RELL1: variants seen among roughly 807,000 people sequenced by gnomAD.
The protein encoded by RELL1 is RELT like 1.
In RELL1, 10 loss-of-function variants were observed where a neutral mutation model predicts 23.0. The observed-to-expected ratio is 0.43, with a 90% CI of 0.27 to 0.74. The LOEUF (loss-of-function observed/expected upper bound fraction) is 0.74. Ranked by LOEUF, RELL1 falls within the 30% of genes least tolerant of loss-of-function variation. The probability of loss-of-function intolerance (pLI) is 0.19; values close to 1 mark genes in which losing one functional copy is unlikely to be tolerated. For synonymous variants in RELL1, 146 were observed against 146.8 expected, an observed-to-expected ratio of 0.99 and a Z score of 0.04; for missense variants, 315 against 364.4, an observed-to-expected ratio of 0.86 and a Z score of 1.10.
At chr4:37,609,940 T>G (rs1019243275), downstream of RELL1, among the ~76,000 whole-genome samples, 1 of 152,216 alleles carries the variant, frequency 6.6e-6, no homozygotes, top group Non-Finnish European at 1.5e-5. Flanking sequence ...TAGAATATAA[T>G]AATACATAAA....
At chr4:37,681,246 T>A (rs1163700672) in intron 1 of RELL1, among the ~76,000 whole-genome samples, 1 of 152,224 alleles carries the variant, frequency 6.6e-6, no homozygotes, top group South Asian at 2.1e-4. Context: ...CTGTTTAATA[T>A]ATGTGGTCCA....
chr4:37,686,149 TC>T, intron 1 of RELL1, 50 bp downstream of exon 1: 1 of 1,481,614 alleles, frequency 6.7e-7, no homozygotes, highest in Non-Finnish European at 9.1e-7. Flanking sequence ...CCTTCCGCGC[TC>T]CCGGGACCGG....
chr4:37,659,513 A>G (rs995582872), intron 1 of RELL1, among the ~76,000 whole-genome samples: 2 of 152,122 alleles, frequency 1.3e-5, no homozygotes, highest in Non-Finnish European at 2.9e-5. Flanking sequence ...GAGGGTTGCT[A>G]ACATTTTTTG....
intron 1 of RELL1, among the ~76,000 whole-genome samples, chr4:37,671,323 G>A (rs560345732): frequency 6.6e-6 from 1 of 152,316 alleles, no homozygotes; most frequent in South Asian, 2.1e-4. Flanking sequence ...GACCTACTGA[G>A]TTGCATTCCA....
chr4:37,682,806 G>A (rs1722266625), intron 1 of RELL1, among the ~76,000 whole-genome samples: 1 of 152,222 alleles, frequency 6.6e-6, no homozygotes. Flanking sequence ...TCAGAATGCT[G>A]GAGGGAAGCC....
At chr4:37,643,372 A>G (rs990774150) in intron 3 of RELL1, among the ~76,000 whole-genome samples, 8 of 152,244 alleles carry the variant, frequency 5.3e-5, no homozygotes, top group Admixed American at 5.2e-4. Context: ...TAATGTGTTT[A>G]AACCATAAAC....
intron 6 of RELL1, among the ~76,000 whole-genome samples, chr4:37,623,657 C>T (rs992649785): frequency 6.6e-6 from 1 of 152,176 alleles, no homozygotes; most frequent in East Asian, 1.9e-4. Flanking sequence ...CACCTCCCTC[C>T]ACCTCCACAT....
downstream of RELL1, chr4:37,590,121 TGGC>T (rs1433819357): frequency 6.2e-7 from 1 of 1,613,976 alleles, no homozygotes; most frequent in Non-Finnish European, 8.5e-7. Context: ...TGCCCTCTCC[TGGC>T]TATGTCAATG....
chr4:37,631,407 T>C lies in RELL1; in HGVS notation c.797A>G (p.Glu266Gly). Residue 266 changes from glutamate to glycine, a missense_variant, in exon 6 of 7, where the codon GAA becomes GGA. Glu to Gly is a moderately conservative substitution (Grantham distance 98). Coordinates refer to ENST00000454158, the MANE Select transcript of RELL1 (RefSeq NM_001085400.2). ...GEVPATPVKR[E>G]RSGTE ...CACCTGCTACTCTGTGCCACTGCGTTCTCTCTTCACAGGTGTTGCCGGCAC... is the reference window on the plus strand; with the variant it reads ...CACCTGCTACTCTGTGCCACTGCGTCCTCTCTTCACAGGTGTTGCCGGCAC... 6.2e-7 allele frequency: 1 copy of C among 1,614,030 alleles called. No homozygotes were observed. Among genetic ancestry groups the C allele is most frequent in the Non-Finnish European group, 8.5e-7 (1 of 1,179,956 alleles).
At chr4:37,609,714 C>T (rs1719317380), downstream of RELL1, among the ~76,000 whole-genome samples, 1 of 152,168 alleles carries the variant, frequency 6.6e-6, no homozygotes, top group South Asian at 2.1e-4. Context: ...GGGTTCAAGA[C>T]TTCAGTGGAG....
At chr4:37,621,509 C>CTGAT (rs981319941) in intron 6 of RELL1, among the ~76,000 whole-genome samples, 1 of 151,744 alleles carries the variant, frequency 6.6e-6, no homozygotes, top group Admixed American at 6.6e-5. Context: ...AATAAAAATC[C>CTGAT]TGATTATAAC....
chr4:37,643,703 T>A (rs895296141), intron 3 of RELL1, among the ~76,000 whole-genome samples: 1 of 152,226 alleles, frequency 6.6e-6, no homozygotes, highest in Non-Finnish European at 1.5e-5. Context: ...ATGTTAATCA[T>A]TGAGACAAAA....
exon 7 of RELL1, chr4:37,591,116 T>C (rs1241423297): frequency 3.7e-6 from 3 of 817,452 alleles, no homozygotes; most frequent in Non-Finnish European, 5.7e-6. Context: ...GCCTTACCAG[T>C]TGTTTACATC....
chr4:37,643,193 G>T (rs1720586009), intron 3 of RELL1, among the ~76,000 whole-genome samples: 1 of 152,210 alleles, frequency 6.6e-6, no homozygotes, highest in African/African-American at 2.4e-5. Context: ...AGGGTTCGGG[G>T]ATTTGGAGAA....
intron 1 of RELL1, among the ~76,000 whole-genome samples, chr4:37,653,665 C>T (rs1421251845): frequency 5.3e-5 from 8 of 152,126 alleles, no homozygotes; most frequent in Non-Finnish European, 8.8e-5. Flanking sequence ...GTCTGTATCT[C>T]GTCCCCTTAC....
intron 6 of RELL1, among the ~76,000 whole-genome samples, chr4:37,600,385 C>T (rs1014055279): frequency 7.2e-5 from 11 of 152,032 alleles, no homozygotes; most frequent in African/African-American, 2.7e-4. Flanking sequence ...TTTGTTGCTA[C>T]CCACCAAAGC....
chr4:37,612,949 C>CATACACAT lies in RELL1; in HGVS notation c.*389_*396dup, dbSNP rs1373636185. ...AAACACACACTCACGTGCACACATG[C>CATACACAT]ATACACATATACACACACACCCCTG... On this transcript the variant is annotated 3_prime_UTR_variant, in exon 7 of 7. Coordinates refer to ENST00000454158, the MANE Select transcript of RELL1 (RefSeq NM_001085400.2). 1 of 152,230 alleles carries CATACACAT rather than the reference C, an allele frequency of 6.6e-6. No individual in the cohort carries two copies. The highest frequency in any genetic ancestry group is 1.5e-5 in the Non-Finnish European group (1 of 68,086). The allele number at this position is 152,230 out of a possible 1,614,324, so 9.4% of individuals were successfully genotyped here.
chr4:37,638,370 G>C, intron 4 of RELL1, 77 bp downstream of exon 4: 1 of 1,138,842 alleles, frequency 8.8e-7, no homozygotes, highest in Non-Finnish European at 1.3e-6. Flanking sequence ...TCTAGCAGAA[G>C]AGCATTTCAG....
intron 3 of RELL1, among the ~76,000 whole-genome samples, chr4:37,639,990 A>G (rs1720470380): frequency 6.6e-6 from 1 of 152,178 alleles, no homozygotes; most frequent in African/African-American, 2.4e-5. Flanking sequence ...TGACTCTCCC[A>G]TTAATGTACA....
Sources: allele counts gnomAD v4.1 joint callset (sites outside exome capture counted in the v4.1 genomes callset), GRCh38; gene constraint gnomAD v4.1.1; transcripts MANE v1.5; gene names NCBI Gene and HGNC (gene_info 2026-07-23, HGNC 2026-07-21).